FHIT: variants seen among roughly 807,000 people sequenced by gnomAD.
FHIT encodes bis(5'-adenosyl)-triphosphatase.
In FHIT, 19 loss-of-function variants were observed where a neutral mutation model predicts 17.9. That is an observed-to-expected ratio of 1.06 (90% confidence interval 0.74 to 1.56). The LOEUF is 1.56. Among genes scored for constraint, FHIT ranks in the 40% most tolerant of loss-of-function variants. The pLI is 0.00. For missense variants in FHIT, 248 were observed against 189.2 expected (o/e 1.31, Z -1.82); for synonymous variants, 81 against 69.7 (o/e 1.16, Z -0.81).
At chr3:61,094,024 C>T (rs1463669331) in intron 2 of FHIT, among the ~76,000 whole-genome samples, 1 of 152,100 alleles carries the variant, frequency 6.6e-6, no homozygotes, top group Non-Finnish European at 1.5e-5. Context: ...TGAGTTTTCC[C>T]TGTAGGTTAG....
intron 5 of FHIT, among the ~76,000 whole-genome samples, chr3:60,310,497 G>A (rs907591172): frequency 6.6e-6 from 1 of 152,030 alleles, no homozygotes; most frequent in Non-Finnish European, 1.5e-5. Flanking sequence ...AGGCCTAGGG[G>A]TCAGTACTGA....
At chr3:60,933,925 C>T (rs1325743654) in intron 3 of FHIT, among the ~76,000 whole-genome samples, 1 of 152,106 alleles carries the variant, frequency 6.6e-6, no homozygotes, top group Non-Finnish European at 1.5e-5. Context: ...GTGGTGTGAC[C>T]CGGAATCTAT....
intron 5 of FHIT, among the ~76,000 whole-genome samples, chr3:60,361,152 G>A (rs768919230): frequency 3.9e-5 from 6 of 152,176 alleles, no homozygotes; most frequent in Non-Finnish European, 7.4e-5. Context: ...ACTGGGCTAT[G>A]TATTGGAGGT....
At chr3:60,665,840 T>C (rs2040370181) in intron 4 of FHIT, among the ~76,000 whole-genome samples, 1 of 152,110 alleles carries the variant, frequency 6.6e-6, no homozygotes, top group Non-Finnish European at 1.5e-5. Flanking sequence ...TTCCTCTGGT[T>C]CTCATTCCTC....
intron 4 of FHIT, chr3:60,553,402 G>A (rs1343426459): frequency 1.8e-5 from 18 of 975,414 alleles, no homozygotes; most frequent in East Asian, 1.1e-4. Flanking sequence ...TGATTGATCC[G>A]ACGGAGACCT....
Position 60,445,300 on chromosome 3 carries a change from C to T in FHIT, c.103+91560G>A, listed in dbSNP as rs988259156. On this transcript the variant is annotated intron_variant, in intron 5 of 9. Transcript: ENST00000492590. ...ACATTTTGAGAATCACTCTAGAGGA[C>T]TGGGATTCCAAAGCACTCAGGGTAA... Among the ~76,000 whole-genome samples, 3 of 152,046 alleles carry T rather than the reference C, an allele frequency of 2.0e-5. No homozygotes were observed. The East Asian group carries it at 5.8e-4, about 29-fold the overall frequency.
Position 60,026,020 on chromosome 3 carries a change from G to A in FHIT, c.104-11868C>T, listed in dbSNP as rs187615354. 1.2e-3 allele frequency among the ~76,000 whole-genome samples: 176 copies of A among 145,244 alleles called. 2 individuals carry two copies. Among genetic ancestry groups the A allele is most frequent in the African/African-American group, 4.9e-3 (171 of 35,050 alleles). The stretch of plus-strand genomic sequence containing the variant: ...TCACTAAACCTCCAAGGCCTGTAAA[G>A]GGGGGGAAAGAAAAGTTCTTTCCAT... On this transcript the variant is annotated intron_variant, in intron 5 of 9. Transcript: ENST00000492590.
chr3:60,531,486 G>C (rs972106626), intron 5 of FHIT, among the ~76,000 whole-genome samples: 2 of 152,062 alleles, frequency 1.3e-5, no homozygotes, highest in Admixed American at 6.5e-5. Context: ...CACCGTGTTA[G>C]CCAGGATGGT....
intron 3 of FHIT, among the ~76,000 whole-genome samples, chr3:60,910,191 T>C (rs1706663304): frequency 6.6e-6 from 1 of 152,036 alleles, no homozygotes; most frequent in Non-Finnish European, 1.5e-5. Context: ...CTGGGGGAAG[T>C]GTATGAATCT....
At chr3:60,361,800 A>C (rs1044444888) in intron 5 of FHIT, among the ~76,000 whole-genome samples, 1 of 152,216 alleles carries the variant, frequency 6.6e-6, no homozygotes, top group East Asian at 1.9e-4. Context: ...TACAAACACC[A>C]AAGGGCAATA....
At position 59,869,318 on chromosome 3, in the gene FHIT, C is replaced by T. The variant is rs566439333; in HGVS notation, c.348+53028G>A. ...ATAAGGGTCTCAAAGATTATGCTTT[C>T]TATCCTGCCCAAATTCTGTAACCAT... On this transcript the variant is annotated intron_variant, in intron 8 of 9. Coordinates refer to ENST00000492590, the MANE Select transcript of FHIT (RefSeq NM_002012.4). Among the ~76,000 whole-genome samples the T allele has an allele frequency of 6.6e-5, 10 of 152,194 alleles. No homozygotes were observed. The South Asian group carries it at 2.1e-3, about 32-fold the overall frequency.
intron 4 of FHIT, among the ~76,000 whole-genome samples, chr3:60,694,360 T>C (rs917409124): frequency 1.3e-5 from 2 of 150,914 alleles, no homozygotes; most frequent in Non-Finnish European, 2.9e-5. Context: ...AAAACCACAA[T>C]GAGATATCAC....
intron 8 of FHIT, among the ~76,000 whole-genome samples, chr3:59,828,350 G>T (rs960661090): frequency 2.6e-5 from 4 of 152,168 alleles, no homozygotes; most frequent in African/African-American, 9.7e-5. Flanking sequence ...AACCTAGAAT[G>T]AAAGTTACTG....
intron 4 of FHIT, among the ~76,000 whole-genome samples, chr3:60,821,462 C>T (rs1553739322): frequency 6.6e-6 from 1 of 150,410 alleles, no homozygotes; most frequent in African/African-American, 2.4e-5. Context: ...ACAGAGCCTC[C>T]TCCTGCTGCT....
chr3:61,046,645 G>A (rs1021259605), intron 2 of FHIT, among the ~76,000 whole-genome samples: 2 of 152,124 alleles, frequency 1.3e-5, no homozygotes, highest in East Asian at 1.9e-4. Context: ...ATTTTATGAG[G>A]CCAGCATCAT....
intron 5 of FHIT, among the ~76,000 whole-genome samples, chr3:60,081,333 T>A (rs1469503425): frequency 6.6e-6 from 1 of 152,082 alleles, no homozygotes; most frequent in Non-Finnish European, 1.5e-5. Flanking sequence ...GCTATTTTAC[T>A]GTTTACTTGA....
chr3:60,115,396 A>G (rs59261304), intron 5 of FHIT, among the ~76,000 whole-genome samples: 10,183 of 152,268 alleles, frequency 0.067, 1,177 homozygotes, highest in African/African-American at 0.23. Flanking sequence ...GTTAACTACC[A>G]TATGATAAAA....
intron 4 of FHIT, among the ~76,000 whole-genome samples, chr3:60,746,975 T>G (rs782374565): frequency 9.2e-5 from 14 of 152,186 alleles, no homozygotes; most frequent in Admixed American, 2.6e-4. Context: ...TTATTGAACC[T>G]ACCAGATGTA....
At chr3:61,156,569 G>A (rs2037539972) in intron 2 of FHIT, among the ~76,000 whole-genome samples, 1 of 151,712 alleles carries the variant, frequency 6.6e-6, no homozygotes, top group Non-Finnish European at 1.5e-5. Flanking sequence ...TGGTACACAT[G>A]GTATACATTT....
Sources: allele counts gnomAD v4.1 joint callset (sites outside exome capture counted in the v4.1 genomes callset), GRCh38; gene constraint gnomAD v4.1.1; transcripts MANE v1.5; gene names NCBI Gene and HGNC (gene_info 2026-07-23, HGNC 2026-07-21).